The following MCC variants were observed in gnomAD, a reference collection of about 807,000 sequenced individuals.
MCC encodes the protein MCC regulator of Wnt signaling pathway.
MCC carries 90 observed loss-of-function variants against 116.2 expected under a neutral mutation model. The ratio of observed to expected loss-of-function variants is 0.77; its 90% confidence interval spans 0.65 to 0.92. The LOEUF is 0.92. Among genes scored for constraint, MCC ranks in the 40% least tolerant of loss-of-function variants. The probability of loss-of-function intolerance (pLI) is 0.00; values close to 1 mark genes in which losing one functional copy is unlikely to be tolerated. For missense variants in MCC, 1,516 were observed against 1,312.2 expected, an observed-to-expected ratio of 1.16 and a Z score of -2.40; for synonymous variants, 578 against 510.5, an observed-to-expected ratio of 1.13 and a Z score of -1.78.
chr5:113,122,708 A>T lies in MCC; in HGVS notation c.1003T>A (p.Ser335Thr). 6.2e-7 allele frequency: 1 copy of T among 1,614,140 alleles called. No homozygotes were observed. Among genetic ancestry groups the T allele is most frequent in the Non-Finnish European group, 8.5e-7 (1 of 1,180,004 alleles). Residue 335 changes from serine (S) to threonine (T), a missense_variant, in exon 6 of 19, where the codon TCT becomes ACT. Coordinates refer to ENST00000408903, the MANE Select transcript of MCC (RefSeq NM_001085377.2). ...QTSVSIPENQ[S>T]TMVTADMDNC... ...CCCATGTCAGCAGTAACCATGGTAG[A>T]CTGGTTTTCGGGGATAGAGACAGAG...
chr5:113,376,590 C>CACAG (rs1768986536), intron 2 of MCC, among the ~76,000 whole-genome samples: 1 of 151,956 alleles, frequency 6.6e-6, no homozygotes, highest in Non-Finnish European at 1.5e-5. Flanking sequence ...CACACACACA[C>CACAG]ACACACACAC....
chr5:113,182,079 G>A (rs1267115554), intron 3 of MCC, among the ~76,000 whole-genome samples: 1 of 152,136 alleles, frequency 6.6e-6, no homozygotes, highest in African/African-American at 2.4e-5. Context: ...TGTGTGTAAG[G>A]TAAAGCCACA....
chr5:113,237,521 G>A (rs900071047), intron 3 of MCC, among the ~76,000 whole-genome samples: 1 of 152,100 alleles, frequency 6.6e-6, no homozygotes, highest in African/African-American at 2.4e-5. Context: ...GGGATTAGAA[G>A]GTCAGAAAAT....
At chr5:113,239,680 T>C (rs989230586) in intron 3 of MCC, among the ~76,000 whole-genome samples, 1 of 152,218 alleles carries the variant, frequency 6.6e-6, no homozygotes, top group East Asian at 1.9e-4. Context: ...AAACACTTCA[T>C]TGAGAAATGG....
At chr5:113,069,585 T>C (rs1425032164) in intron 12 of MCC, among the ~76,000 whole-genome samples, 3 of 152,244 alleles carry the variant, frequency 2.0e-5, no homozygotes, top group African/African-American at 7.2e-5. Context: ...TTTTTTTTCT[T>C]TGAGACGGAG....
At chr5:113,367,987 T>C (rs1388992232) in intron 2 of MCC, among the ~76,000 whole-genome samples, 1 of 152,160 alleles carries the variant, frequency 6.6e-6, no homozygotes, top group Non-Finnish European at 1.5e-5. Context: ...GGTTTTATGA[T>C]CAGTGGGAAT....
chr5:113,226,377 CA>C (rs1207889254), intron 3 of MCC, among the ~76,000 whole-genome samples: 4 of 152,320 alleles, frequency 2.6e-5, no homozygotes, highest in South Asian at 4.1e-4. Flanking sequence ...GAGATGTGCT[CA>C]GATTTTAGTT....
rs373644066 is a variant in MCC at position 113,457,271 on chromosome 5, G to C, written c.170+30974C>G. Reference sequence around the variant, plus strand: ...GCTGGGCCTGCAGGCCCCAGGCAATGAGGGACTTAGCACCCGGGCCAGCGG... The same window carrying C: ...GCTGGGCCTGCAGGCCCCAGGCAATCAGGGACTTAGCACCCGGGCCAGCGG... On this transcript the variant is annotated intron_variant, in intron 1 of 18. Transcript: ENST00000408903. Among the ~76,000 whole-genome samples the C allele has an allele frequency of 1.4e-4, 22 of 152,374 alleles. No homozygotes were observed. In the East Asian group the frequency reaches 2.1e-3, roughly 15 times the overall value.
intron 1 of MCC, among the ~76,000 whole-genome samples, chr5:113,390,079 C>T (rs1247651005): frequency 6.6e-6 from 1 of 151,954 alleles, no homozygotes; most frequent in Non-Finnish European, 1.5e-5. Flanking sequence ...GCAATAACAA[C>T]ATCATGTAAG....
At chr5:113,117,609 G>A (rs1245595778) in intron 6 of MCC, among the ~76,000 whole-genome samples, 1 of 152,184 alleles carries the variant, frequency 6.6e-6, no homozygotes, top group Non-Finnish European at 1.5e-5. Context: ...TGCTTCACTG[G>A]CTGTGCAAAG....
intron 16 of MCC, among the ~76,000 whole-genome samples, chr5:113,048,290 G>A (rs539208909): frequency 3.5e-4 from 54 of 152,262 alleles, no homozygotes; most frequent in African/African-American, 1.0e-3. Context: ...TATTAAATGG[G>A]AAATTCTAGA....
chr5:113,364,806 C>T (rs6594707), intron 2 of MCC, among the ~76,000 whole-genome samples: 67,062 of 152,022 alleles, frequency 0.44, 16,253 homozygotes, highest in African/African-American at 0.64. Context: ...AGGCATATGG[C>T]TTGCACCTTC....
intron 3 of MCC, among the ~76,000 whole-genome samples, chr5:113,285,526 C>T (rs1270559530): frequency 3.3e-5 from 5 of 152,238 alleles, no homozygotes; most frequent in East Asian, 1.9e-4. Flanking sequence ...ACTCTGCTCC[C>T]AGTCATTGCT....
intron 1 of MCC, among the ~76,000 whole-genome samples, chr5:113,480,691 T>C (rs1772356594): frequency 6.6e-6 from 1 of 152,230 alleles, no homozygotes; most frequent in Non-Finnish European, 1.5e-5. Context: ...CCTAAATATT[T>C]TGATGTCACA....
intron 1 of MCC, among the ~76,000 whole-genome samples, chr5:113,396,657 T>A (rs926430098): frequency 6.6e-6 from 1 of 151,914 alleles, no homozygotes; most frequent in Non-Finnish European, 1.5e-5. Context: ...CAAGATAAAA[T>A]AAAATAGATT....
intron 6 of MCC, among the ~76,000 whole-genome samples, chr5:113,121,537 T>G (rs557825700): frequency 7.2e-5 from 11 of 152,340 alleles, no homozygotes; most frequent in African/African-American, 2.6e-4. Flanking sequence ...ATCCTCCAGC[T>G]CTGAGGTCAA....
rs757596340 is a variant in MCC at position 113,151,367 on chromosome 5, C to T, written c.683G>A (p.Arg228His). 6 of 1,613,644 alleles carry T rather than the reference C, an allele frequency of 3.7e-6. No individual in the cohort carries two copies. The highest frequency in any genetic ancestry group is 2.2e-5 in the South Asian group (2 of 91,010). Residue 228 changes from arginine (R) to histidine (H), a missense_variant, in exon 4 of 19, where the codon CGT (arginine) becomes CAT (histidine). Transcript: ENST00000408903. ...LKGDIVELNK[R>H]LQQTERERDL... ...CCGTTCCCTCTCTGTTTGCTGGAGA[C>T]GTTTATTAAGTTCCACTATATCTCC...
chr5:113,488,365 C>CTG lies in MCC; in HGVS notation c.49_50insCA (p.Gly17AlafsTer46), dbSNP rs1468361999. ...GCTGCTGCCGCTGCCGCCGCCGCCG[C>CTG]CGCCGCTGCTGGAGCTCCCCGCAGC... On this transcript the variant is annotated frameshift_variant, in exon 1 of 19. Coordinates refer to ENST00000408903, the MANE Select transcript of MCC (RefSeq NM_001085377.2). LOFTEE classifies it high-confidence loss of function. 1 of 1,522,266 alleles carries CTG rather than the reference C, an allele frequency of 6.6e-7. No homozygotes were observed. The highest frequency in any genetic ancestry group is 1.2e-5 in the South Asian group (1 of 80,490). The allele number at this position is 1,522,266 out of a possible 1,614,324, so 94.3% of individuals were successfully genotyped here. A position where few individuals can be genotyped will look rare whatever the true frequency, so the allele number is the denominator to read the frequency against.
chr5:113,294,276 T>C, intron 3 of MCC: 1 of 1,612,646 alleles, frequency 6.2e-7, no homozygotes. Context: ...GGGGGATTTG[T>C]GGAAAAGCAA....
Sources: gnomAD v4.1 joint callset for allele counts (sites outside exome capture counted in the v4.1 genomes callset) on GRCh38, gnomAD v4.1.1 for gene constraint, MANE v1.5 for transcripts, NCBI Gene and HGNC (gene_info 2026-07-23, HGNC 2026-07-21) for gene names.